Variants in DLC1 observed in about 807,000 individuals in gnomAD.
DLC1 encodes the protein rho GTPase-activating protein 7.
DLC1 carries 54 observed loss-of-function variants against 140.3 expected under a neutral mutation model. The ratio of observed to expected loss-of-function variants is 0.38; its 90% CI spans 0.31 to 0.48. The LOEUF is 0.48. DLC1 is among the 20% of genes least tolerant of loss of function. The pLI is 0.96. For synonymous variants in DLC1, 986 were observed against 728.1 expected (o/e 1.35, Z -5.70); for missense variants, 2,536 against 1,907.0 (o/e 1.33, Z -6.14).
chr8:13,402,680 C>A (rs1007378808), intron 2 of DLC1, among the ~76,000 whole-genome samples: 2 of 152,286 alleles, frequency 1.3e-5, no homozygotes, highest in Admixed American at 6.5e-5. Flanking sequence ...AGCCTGAGGG[C>A]TATCAGTACA....
intron 7 of DLC1, among the ~76,000 whole-genome samples, chr8:13,107,963 T>C (rs1438834340): frequency 6.6e-6 from 1 of 152,036 alleles, no homozygotes; most frequent in African/African-American, 2.4e-5. Flanking sequence ...GAGAATTGCT[T>C]GAACCTGGGA....
At chr8:13,319,315 C>T (rs1832990010) in intron 4 of DLC1, among the ~76,000 whole-genome samples, 1 of 152,188 alleles carries the variant, frequency 6.6e-6, no homozygotes, top group African/African-American at 2.4e-5. Context: ...GCCCCGCCCT[C>T]CACTGGCAAA....
intron 5 of DLC1, among the ~76,000 whole-genome samples, chr8:13,206,178 A>G (rs1282883988): frequency 6.6e-6 from 1 of 152,214 alleles, no homozygotes; most frequent in Non-Finnish European, 1.5e-5. Context: ...TGAATAGCCA[A>G]TGATCTAAAG....
At chr8:13,283,438 C>T (rs1190973114) in intron 5 of DLC1, among the ~76,000 whole-genome samples, 1 of 152,074 alleles carries the variant, frequency 6.6e-6, no homozygotes, top group African/African-American at 2.4e-5. Context: ...GTTCTGATAC[C>T]AACTCTGCAT....
intron 2 of DLC1, among the ~76,000 whole-genome samples, chr8:13,484,210 T>G (rs540062635): frequency 6.6e-6 from 1 of 152,180 alleles, no homozygotes; most frequent in Non-Finnish European, 1.5e-5. Flanking sequence ...GAGGAAAAGA[T>G]GGTAGAGAAT....
At chr8:13,120,266 C>T (rs772003897) in intron 5 of DLC1, among the ~76,000 whole-genome samples, 13 of 146,766 alleles carry the variant, frequency 8.9e-5, no homozygotes, top group Admixed American at 4.1e-4. Flanking sequence ...TGGCGTGAAC[C>T]GGGGAGGCGG....
chr8:13,601,767 A>G (rs1486203527), intron 1 of DLC1, among the ~76,000 whole-genome samples: 5 of 151,754 alleles, frequency 3.3e-5, no homozygotes, highest in African/African-American at 1.2e-4. Context: ...TACTATATAT[A>G]ATTTCAAATT....
intron 1 of DLC1, among the ~76,000 whole-genome samples, chr8:13,543,846 G>C (rs1803565906): frequency 6.6e-6 from 1 of 151,998 alleles, no homozygotes; most frequent in South Asian, 2.1e-4. Context: ...TCAGAAGAGG[G>C]GAGGGCGAGT....
chr8:13,199,705 C>A (rs1276374078), intron 5 of DLC1, among the ~76,000 whole-genome samples: 3 of 151,960 alleles, frequency 2.0e-5, no homozygotes, highest in African/African-American at 7.3e-5. Flanking sequence ...GATGTTATTT[C>A]TATGTATTTA....
intron 7 of DLC1, among the ~76,000 whole-genome samples, chr8:13,108,875 C>A (rs148384229): frequency 2.0e-5 from 3 of 152,228 alleles, no homozygotes; most frequent in African/African-American, 7.2e-5. Flanking sequence ...CTTCCCCTCC[C>A]GAAACTGCAT....
At chr8:13,377,864 G>C (rs567115113) in intron 4 of DLC1, among the ~76,000 whole-genome samples, 1 of 151,736 alleles carries the variant, frequency 6.6e-6, no homozygotes, top group Non-Finnish European at 1.5e-5. Context: ...TGTTTGTGAA[G>C]TGATATAATT....
At chr8:13,510,007 A>G (rs1177353812) in intron 1 of DLC1, among the ~76,000 whole-genome samples, 1 of 152,098 alleles carries the variant, frequency 6.6e-6, no homozygotes, top group Non-Finnish European at 1.5e-5. Flanking sequence ...GATCATGATG[A>G]TGGTGATGGT....
chr8:13,567,622 C>T (rs1283569732), intron 1 of DLC1: 1 of 1,551,710 alleles, frequency 6.4e-7, no homozygotes, highest in South Asian at 1.2e-5. Context: ...GGAGCTGGCC[C>T]TGTCTGCCTT....
chr8:13,492,422 T>G (rs1243873250), intron 2 of DLC1, among the ~76,000 whole-genome samples: 2 of 151,900 alleles, frequency 1.3e-5, no homozygotes, highest in East Asian at 3.9e-4. Flanking sequence ...GTATTTATTT[T>G]TTTCTTTACA....
intron 4 of DLC1, among the ~76,000 whole-genome samples, chr8:13,336,544 T>A (rs77312497): frequency 0.032 from 4,858 of 152,262 alleles, 273 homozygotes; most frequent in African/African-American, 0.11. Context: ...GTTGAACAAC[T>A]GTGGTGGCCC....
intron 5 of DLC1, among the ~76,000 whole-genome samples, chr8:13,285,860 A>C (rs1345569860): frequency 1.3e-5 from 2 of 152,192 alleles, no homozygotes; most frequent in African/African-American, 4.8e-5. Flanking sequence ...ATTCTACAAA[A>C]GTCAAAGCTG....
chr8:13,374,740 C>T (rs1405135288), intron 4 of DLC1, among the ~76,000 whole-genome samples: 16 of 152,160 alleles, frequency 1.1e-4, no homozygotes, highest in Non-Finnish European at 1.5e-5. Flanking sequence ...CAAGGTAGTG[C>T]CATTGCACTC....
intron 4 of DLC1, among the ~76,000 whole-genome samples, chr8:13,350,799 G>T (rs149166490): frequency 5.6e-4 from 85 of 152,294 alleles, no homozygotes; most frequent in African/African-American, 2.0e-3. Context: ...AGAATAGTCA[G>T]CTTGGAAGGT....
chr8:13,252,823 C>T (rs983809879), intron 5 of DLC1, among the ~76,000 whole-genome samples: 1 of 152,132 alleles, frequency 6.6e-6, no homozygotes, highest in African/African-American at 2.4e-5. Context: ...ATAGTAATGA[C>T]ACAGGAAAGG....
Sources: gnomAD v4.1 joint callset for allele counts (sites outside exome capture counted in the v4.1 genomes callset) on GRCh38, gnomAD v4.1.1 for gene constraint, MANE v1.5 for transcripts, NCBI Gene and HGNC (gene_info 2026-07-23, HGNC 2026-07-21) for gene names.